GTF2A1: variants seen among roughly 807,000 people sequenced by gnomAD.
GTF2A1 encodes transcription initiation factor IIA subunit 1.
In GTF2A1, 12 loss-of-function variants were observed where a neutral mutation model predicts 54.1. That is an observed-to-expected ratio of 0.22 (90% confidence interval 0.14 to 0.36). GTF2A1 has a LOEUF of 0.36. Among genes scored for constraint, GTF2A1 ranks in the 10% least tolerant of loss-of-function variants. The probability of loss-of-function intolerance (pLI) is 1.00; values close to 1 mark genes in which losing one functional copy is unlikely to be tolerated. For missense variants in GTF2A1, 335 were observed against 442.2 expected (o/e 0.76, Z 2.17); for synonymous variants, 145 against 152.0 (o/e 0.95, Z 0.34).
intron 2 of GTF2A1, among the ~76,000 whole-genome samples, chr14:81,205,064 C>CA (rs1182710731): frequency 6.6e-6 from 1 of 152,164 alleles, no homozygotes; most frequent in African/African-American, 2.4e-5. Context: ...AAGCTTCTAT[C>CA]AGATCCTTCA....
At chr14:81,201,911 G>A (rs924706557) in intron 3 of GTF2A1, among the ~76,000 whole-genome samples, 10 of 152,104 alleles carry the variant, frequency 6.6e-5, no homozygotes, top group African/African-American at 2.4e-4. Flanking sequence ...TGTAATTACA[G>A]CACTTTGGGA....
rs551269922 is a variant in GTF2A1, at chr14:81,218,499, G to T, written c.31-1985C>A. ...GATACTAATTTTTGAAAAGTATGTGGGCACATAGGAGTATTTGAAATAAGC... is the reference window on the plus strand; with the variant it reads ...GATACTAATTTTTGAAAAGTATGTGTGCACATAGGAGTATTTGAAATAAGC... On this transcript the variant is annotated intron_variant, in intron 1 of 8. Coordinates refer to ENST00000553612, the MANE Select transcript of GTF2A1 (RefSeq NM_015859.4). Among the ~76,000 whole-genome samples, 21 of 152,114 alleles carry T rather than the reference G, an allele frequency of 1.4e-4. No homozygotes were observed. In the East Asian group the frequency reaches 3.3e-3, roughly 24 times the overall value.
In GTF2A1 at chr14:81,220,831, G is replaced by A. The variant is rs1478659136; in HGVS notation, c.-313C>T. 2 of 308,950 alleles carry A rather than the reference G, an allele frequency of 6.5e-6. No individual in the cohort carries two copies. Among genetic ancestry groups the A allele is most frequent in the East Asian group, 5.1e-5 (1 of 19,498 alleles). 19.1% of individuals were successfully genotyped at this position (308,950 alleles called of 1,614,324 possible). A position where few individuals can be genotyped will look rare whatever the true frequency, so the allele number is the denominator to read the frequency against. ...AGGAGGGAAACCACCACCGGTCACC[G>A]CTCCCTGCGCCGCCGCTGCCGCCAC... On this transcript the variant is annotated 5_prime_UTR_variant, in exon 1 of 9. Coordinates refer to ENST00000553612, the MANE Select transcript of GTF2A1 (RefSeq NM_015859.4).
intron 2 of GTF2A1, among the ~76,000 whole-genome samples, chr14:81,212,790 T>A (rs1022225181): frequency 6.6e-6 from 1 of 152,226 alleles, no homozygotes; most frequent in African/African-American, 2.4e-5. Context: ...TAATAAAAAT[T>A]CAGTTCCTCA....
At chr14:81,208,375 A>G (rs1329106416) in intron 2 of GTF2A1, among the ~76,000 whole-genome samples, 1 of 152,196 alleles carries the variant, frequency 6.6e-6, no homozygotes, top group African/African-American at 2.4e-5. Flanking sequence ...AGGTTTGGGA[A>G]CTTCTACCTA....
intron 5 of GTF2A1, among the ~76,000 whole-genome samples, chr14:81,196,696 A>G (rs182281842): frequency 4.3e-4 from 65 of 152,348 alleles, no homozygotes; most frequent in Admixed American, 3.4e-3. Context: ...TAAAAGCAAT[A>G]AAAGTTCACA....
rs772748894 is a variant in GTF2A1 at position 81,203,964 on chromosome 14, C to A, written c.273G>T (p.Gln91His). ...HHHHHHHQQAQPQQTVPQQAQ... is the reference protein window; with the variant it reads ...HHHHHHHQQAHPQQTVPQQAQ... ...CTTGCTGAGGTACTGTCTGCTGAGG[C>A]TGAGCTTGCTGATGATGGTGATGGT... The change falls in exon 3 of 9, where the codon CAG (glutamine) becomes CAT (histidine). Residue 91 changes from glutamine to histidine, a missense_variant. Gln to His is a conservative substitution (Grantham distance 24). This residue lies in a region of GTF2A1 where 306 missense variants were observed against 360.4 expected (regional missense o/e 0.85). Transcript: ENST00000553612. 2.5e-6 allele frequency: 4 copies of A among 1,614,058 alleles called. No homozygotes were observed. The highest frequency in any genetic ancestry group is 3.3e-5 in the Admixed American group (2 of 59,994).
At chr14:81,212,161 G>T (rs1045611771) in intron 2 of GTF2A1, among the ~76,000 whole-genome samples, 13 of 152,020 alleles carry the variant, frequency 8.6e-5, no homozygotes, top group African/African-American at 3.1e-4. Flanking sequence ...CTGAATTTCA[G>T]ATATACTTCC....
In GTF2A1 at chr14:81,180,255, A is replaced by G. The variant is rs1421883806; in HGVS notation, c.1099T>C (p.Phe367Leu). The change falls in exon 9 of 9, where the codon TTT becomes CTT. Residue 367 changes from phenylalanine to leucine, a missense_variant. Phe to Leu is a conservative substitution (Grantham distance 22, BLOSUM62 0). Around this residue, in one of 2 missense-constraint regions of GTF2A1, gnomAD observed 29 missense variants for 81.7 expected, o/e 0.35. Coordinates refer to ENST00000553612, the MANE Select transcript of GTF2A1 (RefSeq NM_015859.4). The stretch of plus-strand genomic sequence containing the variant: ...TCTGCATCTCCAATGGCTTTGGAAA[A>G]TATATAATCTCTTCCATTAAGATTC... ...IMNLNGRDYI[F>L]SKAIGDAEW is the part of the protein sequence containing the mutation. 2 of 1,460,344 alleles carry G rather than the reference A, an allele frequency of 1.4e-6. No homozygotes were observed. Among genetic ancestry groups the G allele is most frequent in the Non-Finnish European group, 1.9e-6 (2 of 1,056,004 alleles). 90.5% of individuals were successfully genotyped at this position (1,460,344 alleles called of 1,614,324 possible).
At chr14:81,181,915 ACATATT>A (rs1892647682) in intron 8 of GTF2A1, among the ~76,000 whole-genome samples, 1 of 152,198 alleles carries the variant, frequency 6.6e-6, no homozygotes, top group Non-Finnish European at 1.5e-5. Flanking sequence ...ATTCTTCATG[ACATATT>A]CCTGGCAAAT....
chr14:81,184,222 G>T (rs1032357900), intron 8 of GTF2A1, among the ~76,000 whole-genome samples: 1 of 152,092 alleles, frequency 6.6e-6, no homozygotes, highest in African/African-American at 2.4e-5. Flanking sequence ...TCTTCAGTCA[G>T]GCTAAAACAA....
intron 4 of GTF2A1, among the ~76,000 whole-genome samples, chr14:81,200,895 A>C (rs116832558): frequency 0.01 from 1,528 of 151,456 alleles, 30 homozygotes; most frequent in African/African-American, 0.035. Flanking sequence ...CAAAAAAAAA[A>C]AAAAAACAAA....
chr14:81,207,047 G>A (rs1009554198), intron 2 of GTF2A1, among the ~76,000 whole-genome samples: 4 of 152,074 alleles, frequency 2.6e-5, no homozygotes, highest in South Asian at 2.1e-4. Flanking sequence ...TTATCAAGGC[G>A]AATTTTTTTA....
intron 3 of GTF2A1, chr14:81,202,708 C>T (rs764557700): frequency 3.9e-6 from 2 of 516,688 alleles, no homozygotes; most frequent in East Asian, 5.5e-5. Flanking sequence ...TGTTTGATTC[C>T]GCAAATTTCA....
At chr14:81,186,334 T>C (rs1485258343) in intron 7 of GTF2A1, among the ~76,000 whole-genome samples, 3 of 152,150 alleles carry the variant, frequency 2.0e-5, no homozygotes, top group Non-Finnish European at 4.4e-5. Context: ...AGCAATGCAA[T>C]AGGCTAGCAG....
At chr14:81,185,010 G>T (rs1278587801) in intron 8 of GTF2A1, among the ~76,000 whole-genome samples, 1 of 152,138 alleles carries the variant, frequency 6.6e-6, no homozygotes, top group Non-Finnish European at 1.5e-5. Flanking sequence ...ACAGTATCTG[G>T]TTTAAAAATT....
At chr14:81,190,219 T>C (rs1482156939) in intron 7 of GTF2A1, among the ~76,000 whole-genome samples, 1 of 151,750 alleles carries the variant, frequency 6.6e-6, no homozygotes, top group Non-Finnish European at 1.5e-5. Context: ...CAGGTATCTG[T>C]AGTGTCATGT....
intron 1 of GTF2A1, 62 bp downstream of exon 1, chr14:81,220,427 C>T: frequency 8.1e-7 from 1 of 1,240,444 alleles, no homozygotes; most frequent in Non-Finnish European, 1.1e-6. Flanking sequence ...CCGCCCCCGC[C>T]CGGTCCGGCC....
chr14:81,218,481 A>G (rs1458494449), intron 1 of GTF2A1, among the ~76,000 whole-genome samples: 1 of 152,214 alleles, frequency 6.6e-6, no homozygotes, highest in East Asian at 1.9e-4. Flanking sequence ...CAAGATACTA[A>G]TTTTTGAAAA....
Sources: allele counts gnomAD v4.1 joint callset (sites outside exome capture counted in the v4.1 genomes callset), GRCh38; gene constraint gnomAD v4.1.1; regional missense constraint gnomAD v4.1.1; transcripts MANE v1.5; gene names NCBI Gene and HGNC (gene_info 2026-07-23, HGNC 2026-07-21).